The following KANSL1 variants were observed in gnomAD, a reference collection of about 807,000 sequenced individuals.
The protein encoded by KANSL1 is KAT8 regulatory NSL complex subunit 1.
Under a neutral mutation model 103.6 loss-of-function variants are expected in KANSL1, and 22 were observed. The observed-to-expected ratio is 0.21, with a 90% CI of 0.15 to 0.30. The LOEUF (loss-of-function observed/expected upper bound fraction) is 0.30. Among genes scored for constraint, KANSL1 ranks in the 10% least tolerant of loss-of-function variants. KANSL1 has a pLI of 1.00. For missense variants in KANSL1, 1,337 were observed against 1,399.8 expected, an observed-to-expected ratio of 0.96 and a Z score of 0.72; for synonymous variants, 600 against 527.6, an observed-to-expected ratio of 1.14 and a Z score of -1.88.
At chr17:46,194,830 G>A (rs985134550), upstream of KANSL1, among the ~76,000 whole-genome samples, 4 of 152,144 alleles carry the variant, frequency 2.6e-5, no homozygotes, top group African/African-American at 7.2e-5. Context: ...GTTACAGAAC[G>A]GTTTTAGTCT....
intron 2 of KANSL1, among the ~76,000 whole-genome samples, chr17:46,141,512 C>T (rs967040040): frequency 3.9e-5 from 6 of 152,222 alleles, no homozygotes; most frequent in African/African-American, 7.2e-5. Flanking sequence ...TATTTACAAA[C>T]GGTCTATCTT....
intron 7 of KANSL1, among the ~76,000 whole-genome samples, chr17:46,048,887 A>C (rs1010137666): frequency 1.3e-5 from 2 of 152,176 alleles, no homozygotes; most frequent in African/African-American, 4.8e-5. Context: ...GAAAAAAAAA[A>C]CTTCTTTTAA....
At chr17:46,109,284 T>C (rs548899965) in intron 2 of KANSL1, among the ~76,000 whole-genome samples, 1 of 152,316 alleles carries the variant, frequency 6.6e-6, no homozygotes, top group East Asian at 1.9e-4. Context: ...GGAAACTTGC[T>C]GAGGGTACTA....
At position 46,171,209 on chromosome 17, in the gene KANSL1, T is replaced by A. The variant is rs758162967; in HGVS notation, c.935A>T (p.Gln312Leu). ...QKRLQVVQAK[Q>L]VERHIQHQLG... ...CTGATGTTGTATATGCCTCTCAACCTGCTTGGCTTGCACAACCTGTAAGCG... is the reference window on the plus strand; with the variant it reads ...CTGATGTTGTATATGCCTCTCAACCAGCTTGGCTTGCACAACCTGTAAGCG... Residue 312 changes from glutamine to leucine, a missense_variant, in exon 2 of 15, where the codon CAG becomes CTG. By Grantham distance (113) the Gln-to-Leu change is moderately radical. Coordinates refer to ENST00000432791, the MANE Select transcript of KANSL1 (RefSeq NM_015443.4). 8.7e-6 allele frequency: 14 copies of A among 1,614,034 alleles called. No homozygotes were observed.
At chr17:46,147,416 A>T (rs1918794) in intron 2 of KANSL1, among the ~76,000 whole-genome samples, 18,408 of 149,640 alleles carry the variant, frequency 0.12, 22 homozygotes, top group Middle Eastern at 0.19. Context: ...TCTACAAAAA[A>T]TACAAAAATT....
chr17:46,062,177 C>T (rs1308056497), intron 6 of KANSL1, among the ~76,000 whole-genome samples: 1 of 144,082 alleles, frequency 6.9e-6, no homozygotes, highest in Non-Finnish European at 1.5e-5. Flanking sequence ...GCTTACAACA[C>T]TTCTCTGCTC....
intron 1 of KANSL1, among the ~76,000 whole-genome samples, chr17:46,203,453 T>C (rs1205448232): frequency 6.6e-6 from 1 of 152,226 alleles, no homozygotes; most frequent in African/African-American, 2.4e-5. Context: ...ATAAAAGCCC[T>C]ACCATTAATA....
intron 2 of KANSL1, among the ~76,000 whole-genome samples, chr17:46,108,157 A>G (rs982046671): frequency 3.3e-5 from 5 of 152,292 alleles, no homozygotes; most frequent in Middle Eastern, 3.4e-3. Context: ...GTTGTTTACC[A>G]TCTCTAAAAA....
intron 7 of KANSL1, chr17:46,045,323 A>G (rs1208186697): frequency 1.3e-5 from 2 of 152,194 alleles, no homozygotes; most frequent in African/African-American, 4.8e-5. Context: ...TTTGGGTCAA[A>G]GCAAAATTAT....
intron 1 of KANSL1, among the ~76,000 whole-genome samples, chr17:46,173,482 A>C (rs1424609934): frequency 3.9e-5 from 6 of 152,240 alleles, no homozygotes; most frequent in Non-Finnish European, 8.8e-5. Flanking sequence ...TCTGGGAGCC[A>C]AAGGAAACAT....
intron 6 of KANSL1, among the ~76,000 whole-genome samples, chr17:46,055,407 G>A (rs1283203490): frequency 6.6e-6 from 1 of 151,390 alleles, no homozygotes. Flanking sequence ...AGACGTTACA[G>A]TGAGCTGAGA....
At chr17:46,188,432 A>G (rs143556863) in intron 1 of KANSL1, among the ~76,000 whole-genome samples, 1 of 152,380 alleles carries the variant, frequency 6.6e-6, no homozygotes, top group East Asian at 1.9e-4. Context: ...ATTTAAACAT[A>G]CATCTTCAGA....
chr17:46,095,407 C>T (rs75412750), intron 2 of KANSL1, among the ~76,000 whole-genome samples: 21,657 of 151,952 alleles, frequency 0.14, 2,121 homozygotes, highest in Non-Finnish European at 0.22. Context: ...CATTACCAGA[C>T]AGCCAGATTT....
chr17:46,216,416 A>G (rs916362352), intron 1 of KANSL1, among the ~76,000 whole-genome samples: 1 of 152,038 alleles, frequency 6.6e-6, no homozygotes, highest in African/African-American at 2.4e-5. Flanking sequence ...CCTGGCCAAC[A>G]TGGTGAAACC....
intron 3 of KANSL1, 139 bp from the exon 4 acceptor site, chr17:46,082,681 GC>G (rs2079029263): frequency 2.1e-6 from 1 of 470,026 alleles, no homozygotes; most frequent in Non-Finnish European, 3.8e-6. Context: ...ACAAACTACA[GC>G]AGCAGCAGCT....
intron 1 of KANSL1, among the ~76,000 whole-genome samples, chr17:46,219,349 A>C (rs1240000071): frequency 6.6e-6 from 1 of 152,150 alleles, no homozygotes; most frequent in African/African-American, 2.4e-5. Flanking sequence ...TTTAAGAACA[A>C]GTTAATTTTT....
intron 2 of KANSL1, among the ~76,000 whole-genome samples, chr17:46,108,391 C>T (rs1472779069): frequency 6.6e-6 from 1 of 152,226 alleles, no homozygotes; most frequent in Non-Finnish European, 1.5e-5. Context: ...TTACATGACA[C>T]TTTATTAAGG....
chr17:46,044,716 T>G (rs2077441901), intron 7 of KANSL1: 1 of 152,210 alleles, frequency 6.6e-6, no homozygotes, highest in African/African-American at 2.4e-5. Flanking sequence ...CAGCCAGGCG[T>G]AGAGTTGGCT....
At chr17:46,203,061 G>A (rs754956505) in intron 1 of KANSL1, among the ~76,000 whole-genome samples, 7 of 152,128 alleles carry the variant, frequency 4.6e-5, no homozygotes, top group African/African-American at 1.2e-4. Flanking sequence ...GTGAAAACCC[G>A]TCTCTACTAA....
Sources: gnomAD v4.1 joint callset for allele counts (sites outside exome capture counted in the v4.1 genomes callset) on GRCh38, gnomAD v4.1.1 for gene constraint, MANE v1.5 for transcripts, NCBI Gene and HGNC (gene_info 2026-07-23, HGNC 2026-07-21) for gene names.